ADGRL3: variants seen among roughly 807,000 people sequenced by gnomAD.
ADGRL3 encodes calcium-independent alpha-latrotoxin receptor 3.
In ADGRL3, 62 loss-of-function variants were observed where a neutral mutation model predicts 153.5. The ratio of observed to expected loss-of-function variants is 0.40; its 90% CI spans 0.33 to 0.50. The LOEUF (loss-of-function observed/expected upper bound fraction) is 0.50. Ranked by LOEUF, ADGRL3 falls within the 20% of genes least tolerant of loss-of-function variation. ADGRL3 has a pLI of 0.47. For synonymous variants in ADGRL3, 710 were observed against 672.5 expected (o/e 1.06, Z -0.86); for missense variants, 1,641 against 1,859.4 (o/e 0.88, Z 2.16).
chr4:61,210,927 G>A (rs1216516184), intron 1 of ADGRL3, among the ~76,000 whole-genome samples: 1 of 152,120 alleles, frequency 6.6e-6, no homozygotes, highest in Non-Finnish European at 1.5e-5. Flanking sequence ...TGACTTTGGA[G>A]GAAGAGCTAG....
chr4:61,931,254 C>A (rs1398039427), intron 13 of ADGRL3, among the ~76,000 whole-genome samples: 1 of 152,084 alleles, frequency 6.6e-6, no homozygotes, highest in African/African-American at 2.4e-5. Flanking sequence ...TGTAAGAGAC[C>A]AAATTATGAA....
At chr4:61,499,987 GACACAC>G (rs34740052) in intron 3 of ADGRL3, among the ~76,000 whole-genome samples, 23 of 138,934 alleles carry the variant, frequency 1.7e-4, no homozygotes, top group African/African-American at 3.0e-4. Context: ...CACACACACA[GACACAC>G]ACACACACAC....
At chr4:61,890,846 CT>C (rs969198151) in intron 9 of ADGRL3, among the ~76,000 whole-genome samples, 1 of 151,876 alleles carries the variant, frequency 6.6e-6, no homozygotes, top group Non-Finnish European at 1.5e-5. Flanking sequence ...CATTGACACA[CT>C]TTTTTTTAAG....
intron 9 of ADGRL3, among the ~76,000 whole-genome samples, chr4:61,876,940 C>T (rs1477755904): frequency 2.7e-5 from 4 of 149,072 alleles, no homozygotes; most frequent in African/African-American, 9.8e-5. Flanking sequence ...AAGAAATATC[C>T]ACATCATTGA....
At chr4:61,408,729 G>T in intron 2 of ADGRL3, among the ~76,000 whole-genome samples, 1 of 151,926 alleles carries the variant, frequency 6.6e-6, no homozygotes, top group East Asian at 1.9e-4. Flanking sequence ...AATATGCATG[G>T]TTTTAGACTA....
At chr4:61,793,655 C>T (rs1172545000) in intron 8 of ADGRL3, among the ~76,000 whole-genome samples, 1 of 152,142 alleles carries the variant, frequency 6.6e-6, no homozygotes, top group Admixed American at 6.6e-5. Context: ...CCCCAGCCTC[C>T]ATTCTCAACA....
intron 25 of ADGRL3, among the ~76,000 whole-genome samples, chr4:62,060,024 A>C (rs751624063): frequency 2.0e-5 from 3 of 152,048 alleles, no homozygotes; most frequent in Non-Finnish European, 2.9e-5. Flanking sequence ...TCCAATATGA[A>C]ACTCCTCTTT....
intron 8 of ADGRL3, among the ~76,000 whole-genome samples, chr4:61,743,657 C>T (rs973941947): frequency 2.0e-5 from 3 of 151,968 alleles, no homozygotes; most frequent in African/African-American, 7.3e-5. Context: ...TATGAGAAGC[C>T]CACTGAGGGC....
At chr4:61,488,167 T>C (rs1351502253) in intron 2 of ADGRL3, among the ~76,000 whole-genome samples, 3 of 152,034 alleles carry the variant, frequency 2.0e-5, no homozygotes, top group African/African-American at 7.2e-5. Flanking sequence ...TAAACATTAA[T>C]AGACATTTAT....
intron 1 of ADGRL3, among the ~76,000 whole-genome samples, chr4:61,380,145 G>A (rs1325903428): frequency 4.6e-5 from 7 of 151,930 alleles, no homozygotes; most frequent in South Asian, 4.1e-4. Flanking sequence ...TTATAAATAT[G>A]TAAAAATGTG....
At position 61,774,970 on chromosome 4, in the gene ADGRL3, G is replaced by A. The variant is rs142466085; in HGVS notation, c.1400-38839G>A. Among the ~76,000 whole-genome samples the A allele has an allele frequency of 1.7e-3, 266 of 152,236 alleles. 3 individuals are homozygous for A. The highest frequency in any genetic ancestry group is 6.1e-3 in the African/African-American group (253 of 41,540). On this transcript the variant is annotated intron_variant, in intron 8 of 26. Coordinates refer to ENST00000683033, the MANE Select transcript of ADGRL3 (RefSeq NM_001387552.1). Reference sequence around the variant, plus strand: ...CTGGTGCCGTCTCCAGGCTGATAAAGGTTTAAAGTTGTCTCTGGTGATTAA... The same window carrying A: ...CTGGTGCCGTCTCCAGGCTGATAAAAGTTTAAAGTTGTCTCTGGTGATTAA...
chr4:61,578,948 C>T (rs140711817), intron 4 of ADGRL3, among the ~76,000 whole-genome samples: 9 of 152,230 alleles, frequency 5.9e-5, no homozygotes, highest in African/African-American at 9.6e-5. Flanking sequence ...TCTGGGTCAT[C>T]GGCCTATCTC....
chr4:62,009,295 T>C (rs1441889378), intron 21 of ADGRL3, among the ~76,000 whole-genome samples: 2 of 152,136 alleles, frequency 1.3e-5, no homozygotes, highest in Admixed American at 1.3e-4. Context: ...AAATTATTTG[T>C]CAATGAAAAT....
At chr4:61,247,370 T>C (rs1757518629) in intron 1 of ADGRL3, among the ~76,000 whole-genome samples, 1 of 152,128 alleles carries the variant, frequency 6.6e-6, no homozygotes, top group Admixed American at 6.6e-5. Flanking sequence ...ATAATTCTTG[T>C]AATGTAGATT....
chr4:61,913,402 T>C (rs1487813196), intron 13 of ADGRL3, among the ~76,000 whole-genome samples: 2 of 152,284 alleles, frequency 1.3e-5, no homozygotes, highest in Non-Finnish European at 2.9e-5. Context: ...TTGTTTTGTT[T>C]TGTTTTATAA....
At chr4:61,824,916 A>AG (rs1383207883) in intron 9 of ADGRL3, among the ~76,000 whole-genome samples, 1 of 152,124 alleles carries the variant, frequency 6.6e-6, no homozygotes, top group East Asian at 1.9e-4. Context: ...ATCTTTTAGT[A>AG]GGGGTTGGAA....
chr4:61,286,474 T>A (rs1027107033), intron 1 of ADGRL3, among the ~76,000 whole-genome samples: 6 of 151,772 alleles, frequency 4.0e-5, no homozygotes, highest in African/African-American at 1.4e-4. Flanking sequence ...AATTTAAAAT[T>A]TTTTTCTAGA....
At chr4:61,344,779 A>G (rs1467055783) in intron 1 of ADGRL3, among the ~76,000 whole-genome samples, 1 of 151,706 alleles carries the variant, frequency 6.6e-6, no homozygotes, top group Non-Finnish European at 1.5e-5. Flanking sequence ...TCTTGAATTT[A>G]TTTATTTATT....
chr4:61,949,030 A>T (rs2098936739), intron 17 of ADGRL3, among the ~76,000 whole-genome samples: 1 of 152,008 alleles, frequency 6.6e-6, no homozygotes, highest in African/African-American at 2.4e-5. Context: ...AAAAAAAAAA[A>T]ACACTAAGCA....
Sources: allele counts gnomAD v4.1 joint callset (sites outside exome capture counted in the v4.1 genomes callset), GRCh38; gene constraint gnomAD v4.1.1; transcripts MANE v1.5; gene names NCBI Gene and HGNC (gene_info 2026-07-23, HGNC 2026-07-21).